Variants in MEOX2 observed in about 807,000 individuals in gnomAD.
MEOX2 encodes mesenchyme homeobox 2.
A neutral mutation model predicts 27.0 loss-of-function variants in MEOX2; 11 were observed. The observed-to-expected ratio is 0.41, with a 90% confidence interval of 0.26 to 0.68. The LOEUF (loss-of-function observed/expected upper bound fraction) is 0.68, where lower values mean the gene tolerates loss of function less well. Among genes scored for constraint, MEOX2 ranks in the 30% least tolerant of loss-of-function variants. The pLI is 0.33. For missense variants in MEOX2, 436 were observed against 385.4 expected, an observed-to-expected ratio of 1.13 and a Z score of -1.10; for synonymous variants, 189 against 155.4, an observed-to-expected ratio of 1.22 and a Z score of -1.61.
intron 1 of MEOX2, among the ~76,000 whole-genome samples, chr7:15,651,291 T>G (rs922034431): frequency 1.3e-5 from 2 of 152,022 alleles, no homozygotes; most frequent in African/African-American, 2.4e-5. Flanking sequence ...CTGCCCATAG[T>G]AATTAATATA....
chr7:15,642,979 C>G (rs1781586029), intron 1 of MEOX2, among the ~76,000 whole-genome samples: 1 of 152,126 alleles, frequency 6.6e-6, no homozygotes, highest in East Asian at 1.9e-4. Context: ...CTGTCTCCTA[C>G]AAGGATAAAG....
chr7:15,637,288 T>G (rs2115367944), intron 1 of MEOX2, among the ~76,000 whole-genome samples: 1 of 152,154 alleles, frequency 6.6e-6, no homozygotes, highest in South Asian at 2.1e-4. Context: ...GGGTTGTAAT[T>G]GCATAACAAA....
At chr7:15,639,101 G>T (rs1043241813) in intron 1 of MEOX2, among the ~76,000 whole-genome samples, 2 of 152,132 alleles carry the variant, frequency 1.3e-5, no homozygotes, top group South Asian at 2.1e-4. Flanking sequence ...CACCAACGGT[G>T]TAAAAGTATT....
chr7:15,669,810 A>G (rs1343644445), intron 1 of MEOX2, among the ~76,000 whole-genome samples: 1 of 152,194 alleles, frequency 6.6e-6, no homozygotes, highest in African/African-American at 2.4e-5. Context: ...GCGATTCTGG[A>G]ATTCAGACCA....
At chr7:15,678,449 G>A (rs924225262) in intron 1 of MEOX2, among the ~76,000 whole-genome samples, 2 of 152,150 alleles carry the variant, frequency 1.3e-5, no homozygotes, top group Non-Finnish European at 2.9e-5. Context: ...ATAGTTTCCT[G>A]TTTGTGTTAC....
intron 2 of MEOX2, among the ~76,000 whole-genome samples, chr7:15,613,756 C>A (rs1781072894): frequency 6.6e-6 from 1 of 152,020 alleles, no homozygotes. Context: ...TCAAAAGACT[C>A]TATTTATTTA....
At chr7:15,630,475 A>G (rs892480928) in intron 1 of MEOX2, among the ~76,000 whole-genome samples, 1 of 152,042 alleles carries the variant, frequency 6.6e-6, no homozygotes, top group Non-Finnish European at 1.5e-5. Context: ...ATTTTTGGCT[A>G]CTCTGGGTAA....
chr7:15,650,944 A>G (rs1283744704), intron 1 of MEOX2, among the ~76,000 whole-genome samples: 1 of 151,976 alleles, frequency 6.6e-6, no homozygotes, highest in Non-Finnish European at 1.5e-5. Flanking sequence ...CTAAAAGAGA[A>G]ATGAGGGCAG....
chr7:15,660,032 A>G (rs1479990971), intron 1 of MEOX2, among the ~76,000 whole-genome samples: 1 of 152,202 alleles, frequency 6.6e-6, no homozygotes, highest in African/African-American at 2.4e-5. Flanking sequence ...GCAATGATCT[A>G]TAATATCATT....
At position 15,686,153 on chromosome 7, in the gene MEOX2, G is replaced by C; in HGVS notation, c.250C>G (p.Gln84Glu). Reference protein sequence around the residue: ...HHHHHHHQQQQHQALQTNWHL... With the variant: ...HHHHHHHQQQEHQALQTNWHL... ...CAGTTGGTTTGCAGAGCCTGGTGCT[G>C]CTGCTGCTGATGGTGGTGATGGTGG... is the stretch of plus-strand genomic sequence containing the variant. The change falls in exon 1 of 3, where the codon CAG becomes GAG. Residue 84 changes from glutamine (Q) to glutamate (E), a missense_variant. By Grantham distance (29) the Gln-to-Glu change is conservative. Coordinates refer to ENST00000262041, the MANE Select transcript of MEOX2 (RefSeq NM_005924.5). 1.3e-6 allele frequency: 2 copies of C among 1,571,282 alleles called. No homozygotes were observed. Among genetic ancestry groups the C allele is most frequent in the South Asian group, 1.1e-5 (1 of 87,978 alleles).
chr7:15,628,628 C>G (rs17168926), intron 1 of MEOX2, among the ~76,000 whole-genome samples: 9,797 of 152,118 alleles, frequency 0.064, 380 homozygotes, highest in Middle Eastern at 0.13. Flanking sequence ...TATAGAAAGC[C>G]ACTGGGACCA....
chr7:15,663,051 T>C (rs998970048), intron 1 of MEOX2, among the ~76,000 whole-genome samples: 3 of 152,092 alleles, frequency 2.0e-5, no homozygotes, highest in African/African-American at 7.2e-5. Flanking sequence ...CATTCTCACA[T>C]CTATAAATAA....
chr7:15,665,608 T>C (rs1446948270), intron 1 of MEOX2, among the ~76,000 whole-genome samples: 1 of 152,178 alleles, frequency 6.6e-6, no homozygotes, highest in Non-Finnish European at 1.5e-5. Context: ...TTTTACCATG[T>C]AGTAAATATC....
intron 1 of MEOX2, among the ~76,000 whole-genome samples, chr7:15,664,081 T>C (rs775385203): frequency 2.6e-5 from 4 of 152,218 alleles, no homozygotes; most frequent in Non-Finnish European, 4.4e-5. Flanking sequence ...TCATGATTGT[T>C]AAAGCAAATA....
At chr7:15,624,741 G>C (rs1327627338) in intron 2 of MEOX2, among the ~76,000 whole-genome samples, 2 of 152,110 alleles carry the variant, frequency 1.3e-5, no homozygotes, top group African/African-American at 4.8e-5. Flanking sequence ...AAAACCTAAA[G>C]CAAATAAAAC....
intron 1 of MEOX2, among the ~76,000 whole-genome samples, chr7:15,667,586 G>A (rs1253607865): frequency 1.3e-5 from 2 of 152,064 alleles, no homozygotes; most frequent in Non-Finnish European, 2.9e-5. Flanking sequence ...TGATGCTGCT[G>A]AAACACCTAT....
At chr7:15,669,097 C>T (rs994210020) in intron 1 of MEOX2, among the ~76,000 whole-genome samples, 5 of 152,212 alleles carry the variant, frequency 3.3e-5, no homozygotes, top group Non-Finnish European at 7.3e-5. Context: ...ACCACATCCA[C>T]ACATTTACAC....
At chr7:15,657,360 C>T (rs1395734062) in intron 1 of MEOX2, among the ~76,000 whole-genome samples, 3 of 152,098 alleles carry the variant, frequency 2.0e-5, no homozygotes, top group Non-Finnish European at 4.4e-5. Context: ...TCTCACAGAT[C>T]CATATGGTAA....
Position 15,612,267 on chromosome 7 carries a change from C to T in MEOX2, c.*120G>A. On this transcript the variant is annotated 3_prime_UTR_variant, in exon 3 of 3. Coordinates refer to ENST00000262041, the MANE Select transcript of MEOX2 (RefSeq NM_005924.5). ...AATCATGAAAAACAGATTCGAAATG[C>T]CTGGATTTAATAATATTAAACATCA... is the stretch of plus-strand genomic sequence containing the variant. The T allele has an allele frequency of 1.2e-6, 1 of 812,692 alleles. No homozygotes were observed. Among genetic ancestry groups the T allele is most frequent in the Admixed American group, 2.4e-5 (1 of 41,180 alleles). The allele number at this position is 812,692 out of a possible 1,614,324, so 50.3% of individuals were successfully genotyped here.
Sources: allele counts gnomAD v4.1 joint callset (sites outside exome capture counted in the v4.1 genomes callset), GRCh38; gene constraint gnomAD v4.1.1; transcripts MANE v1.5; gene names NCBI Gene and HGNC (gene_info 2026-07-23, HGNC 2026-07-21).